QTMAN: variants seen among roughly 807,000 people sequenced by gnomAD.
The protein encoded by QTMAN is queuosine-tRNA mannosyltransferase, also known as tRNA-queuosine alpha-mannosyltransferase.
the QTMAN span, among the ~76,000 whole-genome samples, chr2:144,053,916 G>C: frequency 3.3e-5 from 5 of 152,220 alleles, no homozygotes; most frequent in Non-Finnish European, 7.3e-5. Context: ...GGCCGGGCGT[G>C]GTGGCTCACG....
At chr2:144,073,172 CA>C in the QTMAN span, among the ~76,000 whole-genome samples, 1 of 151,760 alleles carries the variant, frequency 6.6e-6, no homozygotes, top group Admixed American at 6.6e-5. Flanking sequence ...TATATATTGT[CA>C]CCCAACATAC....
chr2:144,270,635 C>T, the QTMAN span, among the ~76,000 whole-genome samples: 2 of 145,146 alleles, frequency 1.4e-5, no homozygotes, highest in Non-Finnish European at 1.5e-5. Flanking sequence ...AGGGGAACAT[C>T]ACATACTGGG....
At chr2:144,103,261 G>A in the QTMAN span, among the ~76,000 whole-genome samples, 77 of 152,326 alleles carry the variant, frequency 5.1e-4, 1 homozygote, top group African/African-American at 1.5e-3. Context: ...AGATGGAGAC[G>A]TGGGGAATAC....
At chr2:144,165,617 C>T in the QTMAN span, among the ~76,000 whole-genome samples, 1 of 152,124 alleles carries the variant, frequency 6.6e-6, no homozygotes, top group African/African-American at 2.4e-5. Flanking sequence ...TCAGACATTC[C>T]CTGTTGGAAA....
At chr2:144,121,524 C>T in the QTMAN span, among the ~76,000 whole-genome samples, 4 of 152,100 alleles carry the variant, frequency 2.6e-5, no homozygotes, top group Non-Finnish European at 5.9e-5. Context: ...CTGTCAGGTG[C>T]ATCTACCATA....
At chr2:144,248,184 T>C in the QTMAN span, among the ~76,000 whole-genome samples, 1 of 152,226 alleles carries the variant, frequency 6.6e-6, no homozygotes, top group South Asian at 2.1e-4. Context: ...TTAAATAAAT[T>C]ACATTTTATC....
the QTMAN span, among the ~76,000 whole-genome samples, chr2:144,240,996 T>C: frequency 2.0e-5 from 3 of 152,164 alleles, no homozygotes; most frequent in African/African-American, 4.8e-5. Flanking sequence ...AATCCACACT[T>C]AGGCCCCATA....
chr2:143,939,661 A>G, the QTMAN span: 2 of 152,186 alleles, frequency 1.3e-5, no homozygotes, highest in Non-Finnish European at 2.9e-5. Context: ...CTCCCCACCC[A>G]TTAAGAATTC....
At chr2:144,318,194 AACACACACACACACAC>A in the QTMAN span, among the ~76,000 whole-genome samples, 35 of 141,932 alleles carry the variant, frequency 2.5e-4, no homozygotes, top group African/African-American at 6.7e-4. Flanking sequence ...TATTTAAATA[AACACACACACACACAC>A]ACACACACAC....
At chr2:144,011,764 C>A in the QTMAN span, 1 of 984,238 alleles carries the variant, frequency 1.0e-6, no homozygotes, top group Non-Finnish European at 1.2e-6. Context: ...CAAATAGGCA[C>A]ATGTCTGAAC....
the QTMAN span, among the ~76,000 whole-genome samples, chr2:144,142,352 G>A: frequency 6.6e-6 from 1 of 151,808 alleles, no homozygotes; most frequent in South Asian, 2.1e-4. Flanking sequence ...ACAATGCCAG[G>A]AACTTTCTAT....
chr2:143,983,470 T>G, the QTMAN span, among the ~76,000 whole-genome samples: 1 of 121,224 alleles, frequency 8.2e-6, no homozygotes. Context: ...TTTTTGAGGT[T>G]TTTTTTTTTT....
chr2:144,331,935 G>A, the QTMAN span, among the ~76,000 whole-genome samples: 95 of 152,314 alleles, frequency 6.2e-4, 3 homozygotes, highest in East Asian at 0.017. Context: ...CCTGGGGCTC[G>A]CACTGCAAGG....
the QTMAN span, among the ~76,000 whole-genome samples, chr2:143,964,431 G>A: frequency 6.6e-6 from 1 of 152,056 alleles, no homozygotes; most frequent in Non-Finnish European, 1.5e-5. Flanking sequence ...GAGACAACAA[G>A]GTCTCTCTCT....
the QTMAN span, among the ~76,000 whole-genome samples, chr2:143,991,675 T>TG: frequency 9.5e-6 from 1 of 105,324 alleles, no homozygotes; most frequent in Non-Finnish European, 1.9e-5. Flanking sequence ...CCGCCCCGTC[T>TG]GGGAGGGAGG....
At chr2:144,137,721 G>A in the QTMAN span, among the ~76,000 whole-genome samples, 1 of 152,002 alleles carries the variant, frequency 6.6e-6, no homozygotes. Context: ...AGGAGAGAGA[G>A]AAAGAGAGAG....
the QTMAN span, among the ~76,000 whole-genome samples, chr2:144,141,205 A>C: frequency 6.6e-6 from 1 of 151,940 alleles, no homozygotes; most frequent in African/African-American, 2.4e-5. Flanking sequence ...AAATATTCCT[A>C]GTGGTAGTAA....
At chr2:143,943,291 A>G in the QTMAN span, 2 of 152,208 alleles carry the variant, frequency 1.3e-5, no homozygotes, top group Non-Finnish European at 2.9e-5. Context: ...CACAACTCAA[A>G]TTTTAAAATG....
At chr2:143,989,363 AAAG>A in the QTMAN span, among the ~76,000 whole-genome samples, 2 of 152,198 alleles carry the variant, frequency 1.3e-5, no homozygotes, top group African/African-American at 4.8e-5. Flanking sequence ...TTTAACTCCC[AAAG>A]AAGTATGGTC....
Sources: gnomAD v4.1 joint callset for allele counts (sites outside exome capture counted in the v4.1 genomes callset) on GRCh38, gnomAD v4.1.1 for gene constraint, MANE v1.5 for transcripts, NCBI Gene and HGNC (gene_info 2026-07-23, HGNC 2026-07-21) for gene names.